RNF145: variants seen among roughly 807,000 people sequenced by gnomAD.
RNF145 encodes ring finger protein 145.
Under a neutral mutation model 57.3 loss-of-function variants are expected in RNF145, and 12 were observed. That is an observed-to-expected ratio of 0.21 (90% CI 0.13 to 0.34). The LOEUF (loss-of-function observed/expected upper bound fraction) is 0.34, where lower values mean the gene tolerates loss of function less well. Ranked by LOEUF, RNF145 falls within the 10% of genes least tolerant of loss-of-function variation. The probability of loss-of-function intolerance (pLI) is 1.00; values close to 1 mark genes in which losing one functional copy is unlikely to be tolerated. For missense variants in RNF145, 429 were observed against 799.0 expected (o/e 0.54, Z 5.58); for synonymous variants, 262 against 288.3 (o/e 0.91, Z 0.92).
In RNF145 at chr5:159,164,140, T is replaced by C. The variant is rs182153169; in HGVS notation, c.1122-1061A>G. On this transcript the variant is annotated intron_variant, in intron 8 of 10. Coordinates refer to ENST00000424310, the MANE Select transcript of RNF145 (RefSeq NM_001199383.2). ...CAAATGCTATACAGTGTGGTCCTAT[T>C]ATAATCAGTAATTCAGAGAAGAAAG... Among the ~76,000 whole-genome samples the C allele has an allele frequency of 1.6e-3, 236 of 152,256 alleles. 1 individual carries two copies. The highest frequency in any genetic ancestry group is 5.3e-3 in the African/African-American group (222 of 41,548).
intron 3 of RNF145, among the ~76,000 whole-genome samples, chr5:159,189,300 T>A (rs1305452253): frequency 6.6e-6 from 1 of 152,260 alleles, no homozygotes; most frequent in African/African-American, 2.4e-5. Flanking sequence ...GAGCAAAGGA[T>A]GTGAATAAAC....
At chr5:159,182,477 C>T (rs1425376731) in intron 3 of RNF145, among the ~76,000 whole-genome samples, 2 of 151,836 alleles carry the variant, frequency 1.3e-5, no homozygotes, top group African/African-American at 4.8e-5. Flanking sequence ...GTTTTGGCCC[C>T]GATTATATTT....
In RNF145 at chr5:159,209,309, C is replaced by T; in HGVS notation, c.-118G>A. ...GCAACTCCCCGGCTCTCTCGCCCGC[C>T]CTCCCGTTCTCCTCGGGCGGCGGCG... On this transcript the variant is annotated 5_prime_UTR_variant, in exon 1 of 11. Coordinates refer to ENST00000424310, the MANE Select transcript of RNF145 (RefSeq NM_001199383.2). 1.0e-6 allele frequency: 1 copy of T among 985,570 alleles called. No homozygotes were observed. The highest frequency in any genetic ancestry group is 4.7e-5 in the South Asian group (1 of 21,418). The allele number at this position is 985,570 out of a possible 1,614,324, so 61.1% of individuals were successfully genotyped here. A position where few individuals can be genotyped will look rare whatever the true frequency, so the allele number is the denominator to read the frequency against.
intron 1 of RNF145, chr5:159,207,921 T>C (rs1392343549): frequency 6.2e-7 from 1 of 1,610,972 alleles, no homozygotes; most frequent in Admixed American, 1.7e-5. Context: ...GGGTCACGAC[T>C]GCAGCACCGA....
chr5:159,188,803 A>G (rs1785178896), intron 3 of RNF145, among the ~76,000 whole-genome samples: 1 of 152,158 alleles, frequency 6.6e-6, no homozygotes, highest in Non-Finnish European at 1.5e-5. Context: ...TCATTTCAGG[A>G]TAATAAGTTT....
rs191561764 is a variant in RNF145 at position 159,187,607 on chromosome 5, G to C, written c.294-5556C>G. Among the ~76,000 whole-genome samples the C allele has an allele frequency of 2.6e-5, 4 of 152,168 alleles. No homozygotes were observed. In the South Asian group the frequency reaches 6.2e-4, roughly 24 times the overall value. On this transcript the variant is annotated intron_variant, in intron 3 of 10. Coordinates refer to ENST00000424310, the MANE Select transcript of RNF145 (RefSeq NM_001199383.2). ...CTCCCAAAGTGCTGGGACTACAGGC[G>C]TGTGCCACCACTCCCGGCCTATCTA... is the stretch of plus-strand genomic sequence containing the variant.
At position 159,201,261 on chromosome 5, in the gene RNF145, G is replaced by A. The variant is rs543536754; in HGVS notation, c.184+2173C>T. On this transcript the variant is annotated intron_variant, in intron 2 of 10. Coordinates refer to ENST00000424310, the MANE Select transcript of RNF145 (RefSeq NM_001199383.2). ...TGAGTATGCGCAGATTTTGGTATAC[G>A]TGGGCATCCTGGAACCAACTTCCAG... Among the ~76,000 whole-genome samples, 138 of 152,252 alleles carry A rather than the reference G, an allele frequency of 9.1e-4. 1 individual carries two copies. In the Middle Eastern group the frequency reaches 0.024, roughly 26 times the overall value.
intron 1 of RNF145, chr5:159,208,019 T>C: frequency 6.5e-7 from 1 of 1,534,330 alleles, no homozygotes; most frequent in Non-Finnish European, 8.7e-7. Flanking sequence ...GTCCTCTCCT[T>C]CCCTTTCAGA....
At chr5:159,191,257 T>C (rs1897565) in intron 3 of RNF145, among the ~76,000 whole-genome samples, 58,042 of 152,000 alleles carry the variant, frequency 0.38, 12,846 homozygotes, top group African/African-American at 0.59. Flanking sequence ...AGGAAACAAT[T>C]TGTATCAAGT....
intron 3 of RNF145, among the ~76,000 whole-genome samples, chr5:159,185,501 T>C (rs1160885893): frequency 1.3e-5 from 2 of 152,186 alleles, no homozygotes; most frequent in African/African-American, 2.4e-5. Flanking sequence ...CTAACAGGGA[T>C]GGTCATTCAC....
chr5:159,174,291 T>C, intron 5 of RNF145, 133 bp from the exon 6 acceptor site: 1 of 645,234 alleles, frequency 1.5e-6, no homozygotes, highest in Non-Finnish European at 2.6e-6. Flanking sequence ...TAAATTCCTT[T>C]AAAGTTAGCC....
At chr5:159,208,665 C>T (rs1436069478) in intron 1 of RNF145, among the ~76,000 whole-genome samples, 1 of 151,766 alleles carries the variant, frequency 6.6e-6, no homozygotes, top group Admixed American at 6.6e-5. Flanking sequence ...TTTGGGGCTG[C>T]GTAGATCAAA....
At chr5:159,188,031 G>GT (rs1785143581) in intron 3 of RNF145, among the ~76,000 whole-genome samples, 1 of 152,076 alleles carries the variant, frequency 6.6e-6, no homozygotes, top group Admixed American at 6.6e-5. Context: ...CTTAATTCAA[G>GT]TCACAGACAC....
In RNF145 at chr5:159,203,600, T is replaced by C; in HGVS notation, c.18A>G (p.Lys6=). 3 of 1,613,836 alleles carry C rather than the reference T, an allele frequency of 1.9e-6. No homozygotes were observed. The highest frequency in any genetic ancestry group is 1.1e-5 in the South Asian group (1 of 90,966). The change falls in exon 2 of 11, where the codon AAA becomes AAG. Residue 6 remains lysine (K), a synonymous_variant. Transcript: ENST00000424310. Reference sequence around the variant, plus strand: ...GGGCCACATTTAACACTGCCTCCAGTTTCTCCTTTGCAGCCATGTTGTTTT... The same window carrying C: ...GGGCCACATTTAACACTGCCTCCAGCTTCTCCTTTGCAGCCATGTTGTTTT... MAAKE[K]LEAVLNVALR...
chr5:159,195,390 C>T (rs1785425225), intron 2 of RNF145, among the ~76,000 whole-genome samples: 1 of 152,152 alleles, frequency 6.6e-6, no homozygotes, highest in South Asian at 2.1e-4. Context: ...TCTCATTCCA[C>T]TGTCAAATGT....
At chr5:159,185,519 G>C (rs1303629163) in intron 3 of RNF145, among the ~76,000 whole-genome samples, 6 of 152,118 alleles carry the variant, frequency 3.9e-5, no homozygotes, top group African/African-American at 1.4e-4. Flanking sequence ...CACAACATAA[G>C]AAAAACAAGA....
At chr5:159,183,367 A>T (rs1469687061) in intron 3 of RNF145, among the ~76,000 whole-genome samples, 1 of 152,190 alleles carries the variant, frequency 6.6e-6, no homozygotes, top group Non-Finnish European at 1.5e-5. Context: ...ACTAGCACCT[A>T]GTGTGTAAAG....
chr5:159,209,198 G>C, intron 1 of RNF145, 33 bp downstream of exon 1: 1 of 921,310 alleles, frequency 1.1e-6, no homozygotes, highest in South Asian at 5.2e-5. Flanking sequence ...GGGGCGCGGG[G>C]ATGGGAAGGG....
chr5:159,190,493 C>A (rs1053162117), intron 3 of RNF145, among the ~76,000 whole-genome samples: 1 of 151,902 alleles, frequency 6.6e-6, no homozygotes, highest in African/African-American at 2.4e-5. Flanking sequence ...CAAGATCAGT[C>A]TGGGCAACAC....
Sources: gnomAD v4.1 joint callset for allele counts (sites outside exome capture counted in the v4.1 genomes callset) on GRCh38, gnomAD v4.1.1 for gene constraint, MANE v1.5 for transcripts, NCBI Gene and HGNC (gene_info 2026-07-23, HGNC 2026-07-21) for gene names.